The following SLC38A8 variants were observed in gnomAD, a reference collection of about 807,000 sequenced individuals.
SLC38A8 encodes amino acid transporter SLC38A8.
Under a neutral mutation model 46.0 loss-of-function variants are expected in SLC38A8, and 65 were observed. The ratio of observed to expected loss-of-function variants is 1.41; its 90% CI spans 1.16 to 1.74. SLC38A8 has a LOEUF of 1.74. Ranked by LOEUF, SLC38A8 falls within the 40% of genes most tolerant of loss-of-function variation. The pLI, the probability that SLC38A8 is intolerant of heterozygous loss-of-function variation, is 0.00. For missense variants in SLC38A8, 998 were observed against 567.9 expected (o/e 1.76, Z -7.70); for synonymous variants, 447 against 243.7 (o/e 1.83, Z -7.77).
At chr16:84,034,618 A>C (rs1165597457) in intron 3 of SLC38A8, among the ~76,000 whole-genome samples, 1 of 152,186 alleles carries the variant, frequency 6.6e-6, no homozygotes, top group Non-Finnish European at 1.5e-5. Context: ...TTCTCACTCA[A>C]CAAGGGGAGC....
intron 7 of SLC38A8, among the ~76,000 whole-genome samples, chr16:84,022,258 G>C (rs1471305622): frequency 6.6e-6 from 1 of 152,232 alleles, no homozygotes; most frequent in Non-Finnish European, 1.5e-5. Context: ...AGCCAGCCGT[G>C]CCAGGGACCT....
At position 84,042,027 on chromosome 16, in the gene SLC38A8, T is replaced by C. The variant is rs753365275; in HGVS notation, c.131A>G (p.Asn44Ser). 6 of 1,613,502 alleles carry C rather than the reference T, an allele frequency of 3.7e-6. No homozygotes were observed. Among genetic ancestry groups the C allele is most frequent in the East Asian group, 4.5e-5 (2 of 44,832 alleles). Residue 44 changes from asparagine to serine, a missense_variant, in exon 2 of 11, where the codon AAC becomes AGC. Physicochemically the swap from Asn to Ser is conservative, Grantham distance 46 (BLOSUM62 1). Coordinates refer to ENST00000299709, the MANE Select transcript of SLC38A8 (RefSeq NM_001080442.3). Reference protein sequence around the residue: ...MKSALGAGLLNFPWAFSKAGG... With the variant: ...MKSALGAGLLSFPWAFSKAGG... ...CGCTTTGGAGAAGGCCCAGGGGAAG[T>C]TGAGCAGGCCAGCTCCCAGCGCGGA... is the stretch of plus-strand genomic sequence containing the variant.
chr16:84,018,284 G>A (rs546545044), intron 7 of SLC38A8, among the ~76,000 whole-genome samples: 1 of 141,480 alleles, frequency 7.1e-6, no homozygotes, highest in Non-Finnish European at 1.5e-5. Context: ...CCAGGCTGGA[G>A]TGCAGTGGCA....
chr16:84,028,249 G>T (rs185039346), intron 6 of SLC38A8, among the ~76,000 whole-genome samples: 1 of 152,102 alleles, frequency 6.6e-6, no homozygotes, highest in Non-Finnish European at 1.5e-5. Flanking sequence ...CAGTGGATAG[G>T]TGGTTGTTTT....
rs754676944 is a variant in SLC38A8, at chr16:84,022,864, T to G, written c.716A>C (p.Tyr239Ser). The change falls in exon 7 of 11, where the codon TAC (tyrosine) becomes TCC (serine). Residue 239 changes from tyrosine (Y) to serine (S), a missense_variant. Tyr to Ser is a moderately radical substitution (Grantham distance 144). Coordinates refer to ENST00000299709, the MANE Select transcript of SLC38A8 (RefSeq NM_001080442.3). ...FQCHEAAVSI[Y>S]CSMRKRSLSH... is the part of the protein sequence containing the mutation. Reference sequence around the variant, plus strand: ...GAGGCTCCGTTTGCGCATGCTGCAGTAGATGGAGACGGCAGCTTCGTGACA... The same window carrying G: ...GAGGCTCCGTTTGCGCATGCTGCAGGAGATGGAGACGGCAGCTTCGTGACA... The G allele has an allele frequency of 6.2e-7, 1 of 1,608,042 alleles. No individual in the cohort carries two copies. The highest frequency in any genetic ancestry group is 8.5e-7 in the Non-Finnish European group (1 of 1,177,822).
intron 6 of SLC38A8, among the ~76,000 whole-genome samples, chr16:84,026,521 C>T (rs2085166507): frequency 6.6e-6 from 1 of 152,182 alleles, no homozygotes; most frequent in Non-Finnish European, 1.5e-5. Flanking sequence ...GCCACCGTGC[C>T]CAGCCTCTAC....
intron 4 of SLC38A8, 150 bp from the exon 5 acceptor site, chr16:84,032,118 C>G: frequency 1.5e-6 from 1 of 649,974 alleles, no homozygotes. Flanking sequence ...CTCATCTGTA[C>G]AGGGGGCATG....
At chr16:84,023,626 G>T (rs373739083) in intron 6 of SLC38A8, among the ~76,000 whole-genome samples, 1 of 152,208 alleles carries the variant, frequency 6.6e-6, no homozygotes, top group Non-Finnish European at 1.5e-5. Context: ...GGGCACGCTG[G>T]CTCGCACCTG....
chr16:84,017,251 G>C lies in SLC38A8; in HGVS notation c.842C>G (p.Ser281Cys). 1 of 1,614,118 alleles carries C rather than the reference G, an allele frequency of 6.2e-7. No homozygotes were observed. The highest frequency in any genetic ancestry group is 1.1e-5 in the South Asian group (1 of 91,080). ...TGGGTAGGACATCAAGACGTCAGCA[G>C]AAACTTCTGTCCCAAAAGTCAGGAA... The part of the protein sequence containing the change: ...YGFLTFGTEV[S>C]ADVLMSYPGN... Residue 281 changes from serine to cysteine, a missense_variant, in exon 8 of 11, where the codon TCT (serine) becomes TGT (cysteine). Transcript: ENST00000299709.
intron 7 of SLC38A8, among the ~76,000 whole-genome samples, chr16:84,020,828 A>C (rs1041309310): frequency 1.3e-5 from 2 of 152,168 alleles, no homozygotes; most frequent in African/African-American, 4.8e-5. Context: ...TAATCTCCTT[A>C]GCAAAAGGCC....
chr16:84,035,514 A>G (rs1028801276), intron 3 of SLC38A8, among the ~76,000 whole-genome samples: 5 of 152,228 alleles, frequency 3.3e-5, no homozygotes, highest in Admixed American at 3.3e-4. Context: ...ATAAAAAAGC[A>G]AGACCCGACC....
At chr16:84,024,199 C>A (rs1423191133) in intron 6 of SLC38A8, among the ~76,000 whole-genome samples, 1 of 152,180 alleles carries the variant, frequency 6.6e-6, no homozygotes, top group African/African-American at 2.4e-5. Flanking sequence ...CTCTGTGGTG[C>A]TAGAAGGCAG....
chr16:84,009,986 G>A, intron 10 of SLC38A8, 109 bp from the exon 11 acceptor site: 3 of 799,166 alleles, frequency 3.8e-6, no homozygotes, highest in Non-Finnish European at 5.5e-6. Flanking sequence ...TCATCAATTT[G>A]GAAAAAAGAA....
In SLC38A8 at chr16:84,013,034, G is replaced by A. The variant is rs746158836; in HGVS notation, c.1181C>T (p.Ala394Val). ...TGGTCCTATAGGCTCGACACCCATTGCACAGATGAGGCACAAACCTGCAAA... is the reference window on the plus strand; with the variant it reads ...TGGTCCTATAGGCTCGACACCCATTACACAGATGAGGCACAAACCTGCAAA... ...FIFPGLCLICAMGVEPIGPRV... is the reference protein window; with the variant it reads ...FIFPGLCLICVMGVEPIGPRV... Residue 394 changes from alanine to valine, a missense_variant, in exon 10 of 11, where the codon GCA (alanine) becomes GTA (valine). Coordinates refer to ENST00000299709, the MANE Select transcript of SLC38A8 (RefSeq NM_001080442.3). 5.6e-6 allele frequency: 9 copies of A among 1,614,184 alleles called. No individual in the cohort carries two copies. Among genetic ancestry groups the A allele is most frequent in the South Asian group, 2.2e-5 (2 of 91,084 alleles).
chr16:84,014,873 GC>G (rs899253828), intron 9 of SLC38A8, among the ~76,000 whole-genome samples: 27 of 151,636 alleles, frequency 1.8e-4, no homozygotes, highest in Non-Finnish European at 3.8e-4. Flanking sequence ...TTCTTCCATC[GC>G]CCCCCCACCT....
At chr16:84,020,700 C>T (rs546372843) in intron 7 of SLC38A8, among the ~76,000 whole-genome samples, 4 of 152,156 alleles carry the variant, frequency 2.6e-5, no homozygotes, top group Non-Finnish European at 5.9e-5. Context: ...GGGTCTGTCC[C>T]CAAAACCATC....
In SLC38A8 at chr16:84,031,965, G is replaced by A. The variant is rs764152099; in HGVS notation, c.534C>T (p.Ile178=). ...REIAFQKYTS[I]LGTLAACYLA... ...GGTAACAGGCAGCCAGAGTGCCTAGGATGCTAACACAGTGACCGTGTGAGG... is the reference window on the plus strand; with the variant it reads ...GGTAACAGGCAGCCAGAGTGCCTAGAATGCTAACACAGTGACCGTGTGAGG... The change falls in exon 5 of 11, where the codon ATC becomes ATT. Residue 178 remains isoleucine (I), a synonymous_variant. Coordinates refer to ENST00000299709, the MANE Select transcript of SLC38A8 (RefSeq NM_001080442.3). 8.1e-6 allele frequency: 13 copies of A among 1,613,946 alleles called. No homozygotes were observed. Among genetic ancestry groups the A allele is most frequent in the South Asian group, 1.1e-5 (1 of 91,094 alleles).
chr16:84,018,366 G>A (rs1052683536), intron 7 of SLC38A8, among the ~76,000 whole-genome samples: 7 of 151,732 alleles, frequency 4.6e-5, no homozygotes, highest in Non-Finnish European at 1.0e-4. Flanking sequence ...CTGAGTAGCT[G>A]GGACTACAGA....
At chr16:84,042,180 G>C (rs754173848) in intron 1 of SLC38A8, 21 bp from the exon 2 acceptor site, 3 of 1,594,168 alleles carry the variant, frequency 1.9e-6, no homozygotes, top group Admixed American at 3.5e-5. Context: ...CAGAGGGGTG[G>C]AGAGAAAGCA....
Sources: gnomAD v4.1 joint callset for allele counts (sites outside exome capture counted in the v4.1 genomes callset) on GRCh38, gnomAD v4.1.1 for gene constraint, MANE v1.5 for transcripts, NCBI Gene and HGNC (gene_info 2026-07-23, HGNC 2026-07-21) for gene names.